The following ZFHX2 variants were observed in gnomAD, a reference collection of about 807,000 sequenced individuals.
The protein encoded by ZFHX2 is zinc finger homeobox protein 2.
Under a neutral mutation model 164.8 loss-of-function variants are expected in ZFHX2, and 75 were observed. That is an observed-to-expected ratio of 0.46 (90% CI 0.38 to 0.55). ZFHX2 has a LOEUF of 0.55. Ranked by LOEUF, ZFHX2 falls within the 20% of genes least tolerant of loss-of-function variation. The pLI is 0.00. For missense variants in ZFHX2, 2,933 were observed against 3,308.0 expected, an observed-to-expected ratio of 0.89 and a Z score of 2.78; for synonymous variants, 1,217 against 1,351.4, an observed-to-expected ratio of 0.90 and a Z score of 2.18.
chr14:23,552,316 C>T (rs1882032802), upstream of ZFHX2, among the ~76,000 whole-genome samples: 2 of 141,334 alleles, frequency 1.4e-5, no homozygotes, highest in Admixed American at 1.4e-4. Flanking sequence ...TTTCTGGAGA[C>T]GGAGTCTCAC....
At chr14:23,537,073 G>C (rs1453367360) in intron 1 of ZFHX2, among the ~76,000 whole-genome samples, 1 of 152,154 alleles carries the variant, frequency 6.6e-6, no homozygotes, top group African/African-American at 2.4e-5. Flanking sequence ...CTGGGAGGCA[G>C]AGCTTGCAGT....
chr14:23,531,349 C>T (rs568804375), intron 4 of ZFHX2, 132 bp downstream of exon 4: 28 of 1,260,008 alleles, frequency 2.2e-5, no homozygotes, highest in South Asian at 5.3e-5. Flanking sequence ...TTCGCAGCTT[C>T]TTCCCATTTA....
chr14:23,533,776 G>A lies in ZFHX2; in HGVS notation c.1550C>T (p.Thr517Ile). 6.4e-7 allele frequency: 1 copy of A among 1,558,270 alleles called. No individual in the cohort carries two copies. The highest frequency in any genetic ancestry group is 8.6e-7 in the Non-Finnish European group (1 of 1,158,836). Residue 517 changes from threonine to isoleucine, a missense_variant, in exon 2 of 10, where the codon ACA becomes ATA. Thr to Ile is a moderately conservative substitution (Grantham distance 89). Coordinates refer to ENST00000419474, the MANE Select transcript of ZFHX2 (RefSeq NM_033400.3). This position sits in a 1 kb window ranked among gnomAD's most constrained non-coding sequence, Gnocchi z 4.8. ...GATGCTGAGGTTGCCTTTGGTGGTT[G>A]TAGAGTAGTTGCAGACGTCACAGCG... is the stretch of plus-strand genomic sequence containing the variant. ...PYRCDVCNYS[T>I]TTKGNLSIHM...
Position 23,526,681 on chromosome 14 carries a change from T to TAGGGGAGA in ZFHX2, c.3263-10_3263-3dup. On this transcript the variant is annotated splice_polypyrimidine_tract_variant and splice_region_variant and intron_variant, in intron 8 of 9. Transcript: ENST00000419474. Reference sequence around the variant, plus strand: ...CTTCTGGGGTCAGGTTAGGGCCTTCTAGGGGAGAGAGAAGAAAGTACAATG... The same window carrying TAGGGGAGA: ...CTTCTGGGGTCAGGTTAGGGCCTTCTAGGGGAGAAGGGGAGAGAGAAGAAAGTACAATG... 6.5e-7 allele frequency: 1 copy of TAGGGGAGA among 1,535,878 alleles called. No homozygotes were observed. Among genetic ancestry groups the TAGGGGAGA allele is most frequent in the Non-Finnish European group, 8.7e-7 (1 of 1,146,856 alleles).
Position 23,522,659 on chromosome 14 carries a change from A to G in ZFHX2, c.7022T>C (p.Leu2341Ser). The G allele has an allele frequency of 7.2e-6, 11 of 1,536,430 alleles. No homozygotes were observed. The highest frequency in any genetic ancestry group is 9.6e-6 in the Non-Finnish European group (11 of 1,146,906). ...KALKTTVPAL[L>S]GGQFLPFPLP... Reference sequence around the variant, plus strand: ...TGGAAAGGGCAGGAACTGGCCCCCCAACAGGGCTGGGACAGTGGTCTTCAA... The same window carrying G: ...TGGAAAGGGCAGGAACTGGCCCCCCGACAGGGCTGGGACAGTGGTCTTCAA... Residue 2341 changes from leucine to serine, a missense_variant, in exon 10 of 10, where the codon TTG becomes TCG. By Grantham distance (145) the Leu-to-Ser change is moderately radical (BLOSUM62 -2). Transcript: ENST00000419474.
chr14:23,534,963 C>T lies in ZFHX2; in HGVS notation c.363G>A (p.Glu121=), dbSNP rs1027183892. ...GGGACAGCTTGGCCACTAGGTAGGC[C>T]TCACCTCCAGCTGTGAAGAATAAGT... ...SNHLFFTAGG[E]AYLVAKLSLP... is the part of the protein sequence containing the mutation. The change falls in exon 2 of 10, where the codon GAG becomes GAA. Residue 121 remains glutamate, a synonymous_variant. Coordinates refer to ENST00000419474, the MANE Select transcript of ZFHX2 (RefSeq NM_033400.3). The surrounding 1 kb of genome is among the most constrained non-coding windows in gnomAD (Gnocchi z 4.5). 3 of 1,536,032 alleles carry T rather than the reference C, an allele frequency of 2.0e-6. No homozygotes were observed. Among genetic ancestry groups the T allele is most frequent in the Admixed American group, 2.0e-5 (1 of 50,986 alleles).
chr14:23,522,606 G>C lies in ZFHX2; in HGVS notation c.7075C>G (p.Pro2359Ala). The change falls in exon 10 of 10, where the codon CCA (proline) becomes GCA (alanine). Residue 2359 changes from proline to alanine, a missense_variant. By Grantham distance (27) the Pro-to-Ala change is conservative (BLOSUM62 -1). Transcript: ENST00000419474. ...PLPPAGGTAP[P>A]AVFGPQLQGA... ...TGTAGCTGGGGGCCAAAGACAGCTG[G>C]CGGTGCTGTTCCCCCAGCAGGGGGC... The C allele has an allele frequency of 6.5e-7, 1 of 1,531,518 alleles. No individual in the cohort carries two copies. Among genetic ancestry groups the C allele is most frequent in the South Asian group, 1.2e-5 (1 of 83,790 alleles). The allele number at this position is 1,531,518 out of a possible 1,614,324, so 94.9% of individuals were successfully genotyped here.
At position 23,536,217 on chromosome 14, in the gene ZFHX2, C is replaced by T. The variant is rs59020819; in HGVS notation, c.-49-843G>A. Among the ~76,000 whole-genome samples the T allele has an allele frequency of 1.7e-3, 254 of 152,328 alleles. 6 individuals carry two copies. In the East Asian group the frequency reaches 0.039, roughly 23 times the overall value. On this transcript the variant is annotated intron_variant, in intron 1 of 9. Transcript: ENST00000419474. ...CGCTACAGTGTATTTTCTCTCCATCCAGCAGCCAGAATGGGGGCTTTAGTT... is the reference window on the plus strand; with the variant it reads ...CGCTACAGTGTATTTTCTCTCCATCTAGCAGCCAGAATGGGGGCTTTAGTT...
At position 23,524,001 on chromosome 14, in the gene ZFHX2, G is replaced by A. The variant is rs1878380518; in HGVS notation, c.5941C>T (p.Leu1981=). Residue 1981 remains leucine (L), a synonymous_variant, in exon 9 of 10, where the codon CTA becomes TTA. Transcript: ENST00000419474. This position sits in a 1 kb window ranked among gnomAD's most constrained non-coding sequence, Gnocchi z 5.6. ...GTGGTGGCCTCTTTCCCAGGTGGTA[G>A]GAAAGGCTGGGGCCCAGAAGCAAGC... ...ATLASGPQPF[L]PPGKEATTPT... The A allele has an allele frequency of 6.6e-7, 1 of 1,522,252 alleles. No homozygotes were observed. The highest frequency in any genetic ancestry group is 8.8e-7 in the Non-Finnish European group (1 of 1,138,946). 94.3% of individuals were successfully genotyped at this position (1,522,252 alleles called of 1,614,324 possible).
At chr14:23,529,259 C>T (rs1879207608) in intron 6 of ZFHX2, 1 of 166,414 alleles carries the variant, frequency 6.0e-6, no homozygotes, top group Non-Finnish European at 1.3e-5. Context: ...TGGTTGGTGC[C>T]CCTACCCTTA....
In ZFHX2 at chr14:23,535,407, A is replaced by G; in HGVS notation, c.-49-33T>C. On this transcript the variant is annotated intron_variant, in intron 1 of 9. Transcript: ENST00000419474. This position sits in a 1 kb window ranked among gnomAD's most constrained non-coding sequence, Gnocchi z 4.5. ...GAGACAAGGAGAGAGCAGTGCTGTG[A>G]GGCTGCAGGGACCCCAGCTGGGCAG... 1 of 1,403,996 alleles carries G rather than the reference A, an allele frequency of 7.1e-7. No homozygotes were observed. The highest frequency in any genetic ancestry group is 9.3e-7 in the Non-Finnish European group (1 of 1,080,422). 87.0% of individuals were successfully genotyped at this position (1,403,996 alleles called of 1,614,324 possible). A position where few individuals can be genotyped will look rare whatever the true frequency, so the allele number is the denominator to read the frequency against.
rs1566570672 is a variant in ZFHX2 at position 23,523,429 on chromosome 14, C to T, written c.6513G>A (p.Leu2171=). The T allele has an allele frequency of 6.5e-7, 1 of 1,533,580 alleles. No individual in the cohort carries two copies. The highest frequency in any genetic ancestry group is 2.0e-5 in the Admixed American group (1 of 50,668). The allele number at this position is 1,533,580 out of a possible 1,614,324, so 95.0% of individuals were successfully genotyped here. Residue 2171 remains leucine (L), a synonymous_variant, in exon 9 of 10, where the codon CTG becomes CTA. Coordinates refer to ENST00000419474, the MANE Select transcript of ZFHX2 (RefSeq NM_033400.3). This position sits in a 1 kb window ranked among gnomAD's most constrained non-coding sequence, Gnocchi z 4.1. ...CTCGAACCGCCTCCTTGAGCTTGGC[C>T]AGGTGCTGACGGGAAAAGAGATGGC... is the stretch of plus-strand genomic sequence containing the variant. ...CRGHLFSRQH[L]AKLKEAVRAQ...
Position 23,523,842 on chromosome 14 carries a change from A to G in ZFHX2, c.6100T>C (p.Ser2034Pro), listed in dbSNP as rs751891275. The G allele has an allele frequency of 1.3e-6, 2 of 1,536,206 alleles. No homozygotes were observed. The highest frequency in any genetic ancestry group is 2.4e-5 in the South Asian group (2 of 84,062). ...TCTGGTTCAGCTAGGCTGGAAGCAG[A>G]TGAATCACTCAGATCTCCTGCAGAG... ...SLSAGDLSDS[S>P]ASSLAEPESP... is the part of the protein sequence containing the mutation. Residue 2034 changes from serine to proline, a missense_variant, in exon 9 of 10, where the codon TCT becomes CCT. Physicochemically the swap from Ser to Pro is moderately conservative, Grantham distance 74 (BLOSUM62 -1). Transcript: ENST00000419474. The surrounding 1 kb of genome is among the most constrained non-coding windows in gnomAD (Gnocchi z 4.1).
rs17094044 is a variant in ZFHX2, at chr14:23,546,917, T to G, written c.-50+4426A>C. 0.021 allele frequency among the ~76,000 whole-genome samples: 3,180 copies of G among 152,298 alleles called. 119 individuals are homozygous for G. Among genetic ancestry groups the G allele is most frequent in the African/African-American group, 0.073 (3,026 of 41,558 alleles). ...CTTTAGCTGCCCTGGCCTTGCTTAT[T>G]ATAGCCAGACTGTCCTCCAGCACTC... On this transcript the variant is annotated intron_variant, in intron 1 of 9. Transcript: ENST00000419474. The surrounding 1 kb of genome is among the most constrained non-coding windows in gnomAD (Gnocchi z 4.7).
At chr14:23,548,300 A>G (rs1881597929) in intron 1 of ZFHX2, 2 of 152,270 alleles carry the variant, frequency 1.3e-5, no homozygotes, top group East Asian at 1.9e-4. Context: ...GGTGCTCACA[A>G]ACAGGAGTTA....
Position 23,531,535 on chromosome 14 carries a change from G to A in ZFHX2, c.2746C>T (p.Leu916Phe), listed in dbSNP as rs1013332793. ...CTCAGGATGCTCTGAAGAGCTGCGA[G>A]TCCTTCCTCAGTGGTTGGGCCATTC... ...LQNGPTTEEG[L>F]AALQSILSFS... The change falls in exon 4 of 10, where the codon CTC becomes TTC. Residue 916 changes from leucine to phenylalanine, a missense_variant. Physicochemically the swap from Leu to Phe is conservative, Grantham distance 22 (BLOSUM62 0). Transcript: ENST00000419474. The A allele has an allele frequency of 6.6e-7, 1 of 1,514,432 alleles. No homozygotes were observed. Among genetic ancestry groups the A allele is most frequent in the South Asian group, 1.2e-5 (1 of 81,236 alleles). 93.8% of individuals were successfully genotyped at this position (1,514,432 alleles called of 1,614,324 possible).
Position 23,522,784 on chromosome 14 carries a change from G to T in ZFHX2, c.6897C>A (p.Gly2299=), listed in dbSNP as rs200489505. 20 of 1,536,332 alleles carry T rather than the reference G, an allele frequency of 1.3e-5. No homozygotes were observed. The highest frequency in any genetic ancestry group is 1.7e-5 in the Non-Finnish European group (19 of 1,146,942). The change falls in exon 10 of 10, where the codon GGC becomes GGA. Residue 2299 remains glycine, a synonymous_variant. Transcript: ENST00000419474. ...TGTCCCCCAAGGGCTCAGTAGGAGG[G>T]CCTGGGACAGGGTCAGTGGTGCCTG... is the stretch of plus-strand genomic sequence containing the variant. ...STAGTTDPVP[G]PPTEPLGDKV... is the part of the protein sequence containing the mutation.
chr14:23,531,648 T>C lies in ZFHX2; in HGVS notation c.2633A>G (p.Glu878Gly), dbSNP rs1879566532. 2 of 1,512,168 alleles carry C rather than the reference T, an allele frequency of 1.3e-6. No homozygotes were observed. Among genetic ancestry groups the C allele is most frequent in the East Asian group, 5.0e-5 (2 of 40,108 alleles). 93.7% of individuals were successfully genotyped at this position (1,512,168 alleles called of 1,614,324 possible). ...CAGCACAGCCAAGCGGGAGGGTGTC[T>C]CCCACGCACACAACAGGCAGTGGTA... ...GLYHCLLCAWETPSRLAVLQH... is the reference protein window; with the variant it reads ...GLYHCLLCAWGTPSRLAVLQH... Residue 878 changes from glutamate to glycine, a missense_variant, in exon 4 of 10, where the codon GAG becomes GGG. Transcript: ENST00000419474.
intron 1 of ZFHX2, among the ~76,000 whole-genome samples, chr14:23,536,485 AAGATAACAGCT>A (rs1403388501): frequency 6.6e-6 from 1 of 152,220 alleles, no homozygotes; most frequent in East Asian, 1.9e-4. Context: ...GGTCAGTTGA[AAGATAACAGCT>A]AGTCGGTTGC....
Sources: gnomAD v4.1 joint callset for allele counts (sites outside exome capture counted in the v4.1 genomes callset) on GRCh38, gnomAD v4.1.1 for gene constraint, Gnocchi (gnomAD v3.1) non-coding constraint, MANE v1.5 for transcripts, NCBI Gene and HGNC (gene_info 2026-07-23, HGNC 2026-07-21) for gene names.